Variants in ABLIM3 observed in about 807,000 individuals in gnomAD.
ABLIM3 encodes the protein actin-binding LIM protein 3.
Under a neutral mutation model 109.5 loss-of-function variants are expected in ABLIM3, and 61 were observed. The observed-to-expected ratio is 0.56, with a 90% confidence interval of 0.45 to 0.69. The LOEUF (loss-of-function observed/expected upper bound fraction) is 0.69. Among genes scored for constraint, ABLIM3 ranks in the 30% least tolerant of loss-of-function variants. The pLI is 0.00. For synonymous variants in ABLIM3, 300 were observed against 324.8 expected, an observed-to-expected ratio of 0.92 and a Z score of 0.82; for missense variants, 796 against 889.5, an observed-to-expected ratio of 0.89 and a Z score of 1.34.
At chr5:149,206,878 T>C (rs2127508857) in intron 5 of ABLIM3, 130 bp from the exon 6 acceptor site, 1 of 1,136,866 alleles carries the variant, frequency 8.8e-7, no homozygotes, top group African/African-American at 3.8e-5. Context: ...TCTGGGAAGC[T>C]TCCAGTGTCA....
At position 149,251,222 on chromosome 5, in the gene ABLIM3, C is replaced by T; in HGVS notation, c.1789-137C>T. On this transcript the variant is annotated intron_variant, in intron 20 of 23. Transcript: ENST00000309868. ...AGGGATATAGCAGCGAGTTAAGTTT[C>T]CCTAACTTGAGACAGAGGCTGCTGA... is the stretch of plus-strand genomic sequence containing the variant. 9.4e-6 allele frequency: 8 copies of T among 853,432 alleles called. No homozygotes were observed. The South Asian group carries it at 9.5e-5, about 10-fold the overall frequency. The allele number at this position is 853,432 out of a possible 1,614,324, so 52.9% of individuals were successfully genotyped here.
At chr5:149,225,976 GTGTGTGTATATATATATATA>G (rs60841585) in intron 8 of ABLIM3, among the ~76,000 whole-genome samples, 4,132 of 38,110 alleles carry the variant, frequency 0.11, 217 homozygotes, top group African/African-American at 0.28. Context: ...GTGTGTGTGT[GTGTGTGTATATATATATATA>G]TATATATATA....
chr5:149,200,259 A>G (rs1581113675), intron 4 of ABLIM3, 57 bp from the exon 5 acceptor site: 1 of 1,475,956 alleles, frequency 6.8e-7, no homozygotes, highest in East Asian at 2.3e-5. Context: ...ATGTGTGGTC[A>G]GCTACAGAAT....
At chr5:149,186,847 C>CAA (rs143439412) in intron 3 of ABLIM3, among the ~76,000 whole-genome samples, 2 of 143,066 alleles carry the variant, frequency 1.4e-5, no homozygotes, top group Admixed American at 1.4e-4. Context: ...AAAATATGAG[C>CAA]AAAAAAAAAA....
At position 149,198,943 on chromosome 5, in the gene ABLIM3, G is replaced by A. The variant is rs1254508525; in HGVS notation, c.335+541G>A. ...ATTGGGTTTTCTCGAAGATCAATGA[G>A]ATGATGATGCAAAGGCATTAGCTCA... On this transcript the variant is annotated intron_variant, in intron 4 of 23. Coordinates refer to ENST00000309868, the MANE Select transcript of ABLIM3 (RefSeq NM_014945.5). The surrounding 1 kb of genome is among the most constrained non-coding windows in gnomAD (Gnocchi z 4.2). The A allele has an allele frequency of 7.5e-6, 3 of 402,090 alleles. No homozygotes were observed. The highest frequency in any genetic ancestry group is 1.0e-5 in the Non-Finnish European group (2 of 198,786). The allele number at this position is 402,090 out of a possible 1,614,324, so 24.9% of individuals were successfully genotyped here.
chr5:149,204,590 G>C (rs555057125), intron 5 of ABLIM3, among the ~76,000 whole-genome samples: 20 of 152,336 alleles, frequency 1.3e-4, no homozygotes, highest in Admixed American at 5.9e-4. Context: ...CAGGGATTGG[G>C]TAATGCACAG....
At chr5:149,246,636 G>A in intron 17 of ABLIM3, 90 bp downstream of exon 17, 1 of 1,379,450 alleles carries the variant, frequency 7.2e-7, no homozygotes, top group South Asian at 1.4e-5. Context: ...ACAGATTCAA[G>A]CCCACTTATG....
chr5:149,246,183 A>G (rs1753337193), intron 16 of ABLIM3, among the ~76,000 whole-genome samples: 1 of 152,120 alleles, frequency 6.6e-6, no homozygotes, highest in South Asian at 2.1e-4. Flanking sequence ...ATTTAATAAA[A>G]GGATGACTCG....
chr5:149,231,438 G>T (rs144236608), intron 9 of ABLIM3, among the ~76,000 whole-genome samples: 1 of 152,162 alleles, frequency 6.6e-6, no homozygotes, highest in South Asian at 2.1e-4. Context: ...GGGGAATGGG[G>T]CCTTTACATC....
intron 8 of ABLIM3, chr5:149,219,749 C>G (rs1002250804): frequency 6.6e-6 from 1 of 152,252 alleles, no homozygotes; most frequent in Non-Finnish European, 1.5e-5. Context: ...ATCCTGACCA[C>G]CATGGGAACC....
chr5:149,242,593 C>T, intron 15 of ABLIM3, 55 bp downstream of exon 15: 3 of 1,593,998 alleles, frequency 1.9e-6, no homozygotes, highest in Non-Finnish European at 2.6e-6. Context: ...GGAGGTTAAC[C>T]ATCTATGCAG....
chr5:149,250,541 G>A (rs889231135), intron 20 of ABLIM3, 36 bp downstream of exon 20: 7 of 1,611,454 alleles, frequency 4.3e-6, no homozygotes, highest in Non-Finnish European at 5.1e-6. Flanking sequence ...GGAGGACGTT[G>A]TCCCCAAAAT....
Position 149,259,949 on chromosome 5 carries a change from G to A in ABLIM3, c.*1545G>A. ...TGGGGGAGGGGGAGGGGAGCACGGGGTGAGTCAACCTGGGACTCGGTCTCA... is the reference window on the plus strand; with the variant it reads ...TGGGGGAGGGGGAGGGGAGCACGGGATGAGTCAACCTGGGACTCGGTCTCA... On this transcript the variant is annotated 3_prime_UTR_variant, in exon 24 of 24. Coordinates refer to ENST00000309868, the MANE Select transcript of ABLIM3 (RefSeq NM_014945.5). 4.1e-6 allele frequency: 1 copy of A among 246,228 alleles called. No individual in the cohort carries two copies. Among genetic ancestry groups the A allele is most frequent in the South Asian group, 7.7e-5 (1 of 12,942 alleles). 15.3% of individuals were successfully genotyped at this position (246,228 alleles called of 1,614,324 possible).
chr5:149,186,145 G>A (rs1428313187), intron 3 of ABLIM3, among the ~76,000 whole-genome samples: 1 of 152,226 alleles, frequency 6.6e-6, no homozygotes, highest in East Asian at 1.9e-4. Context: ...GAATAAAACA[G>A]TGGCTCACTC....
At chr5:149,205,058 C>T (rs1026860770) in intron 5 of ABLIM3, among the ~76,000 whole-genome samples, 2 of 152,134 alleles carry the variant, frequency 1.3e-5, no homozygotes, top group African/African-American at 4.8e-5. Context: ...TGAATTTGAT[C>T]ACTGGATGAT....
At chr5:149,256,506 G>A (rs1754438822) in intron 23 of ABLIM3, among the ~76,000 whole-genome samples, 1 of 152,188 alleles carries the variant, frequency 6.6e-6, no homozygotes, top group African/African-American at 2.4e-5. Context: ...CACTGCCTGG[G>A]TCCTAGTTCA....
chr5:149,187,463 G>A lies in ABLIM3; in HGVS notation c.151+3874G>A, dbSNP rs1322662761. ...TGTACTGAAAGAAATAACTGTCAAG[G>A]AAAGATTATGTATTCAGCAAAACTA... On this transcript the variant is annotated intron_variant, in intron 3 of 23. Coordinates refer to ENST00000309868, the MANE Select transcript of ABLIM3 (RefSeq NM_014945.5). 5.3e-5 allele frequency among the ~76,000 whole-genome samples: 8 copies of A among 152,130 alleles called. No homozygotes were observed. In the South Asian group the frequency reaches 8.3e-4, roughly 16 times the overall value.
At chr5:149,247,494 C>A in intron 17 of ABLIM3, 1 of 563,542 alleles carries the variant, frequency 1.8e-6, no homozygotes, top group Non-Finnish European at 3.3e-6. Flanking sequence ...GCTATCTGCC[C>A]ATTGTTGAAT....
chr5:149,141,885 T>A, intron 1 of ABLIM3, 124 bp from the exon 2 acceptor site: 1 of 676,214 alleles, frequency 1.5e-6, no homozygotes, highest in South Asian at 1.8e-5. Flanking sequence ...TGCTCTCACC[T>A]GCGCCTATTA....
Sources: gnomAD v4.1 joint callset for allele counts (sites outside exome capture counted in the v4.1 genomes callset) on GRCh38, gnomAD v4.1.1 for gene constraint, Gnocchi (gnomAD v3.1) non-coding constraint, MANE v1.5 for transcripts, NCBI Gene and HGNC (gene_info 2026-07-23, HGNC 2026-07-21) for gene names.